Variants in RP1 observed in about 807,000 individuals in gnomAD.
RP1 encodes the protein oxygen-regulated protein 1.
RP1 carries 16 observed loss-of-function variants against 14.8 expected under a neutral mutation model. The ratio of observed to expected loss-of-function variants is 1.08; its 90% CI spans 0.73 to 1.65. The LOEUF (loss-of-function observed/expected upper bound fraction) is 1.65. RP1 is among the 40% of genes most tolerant of loss of function. RP1 has a pLI of 0.00. For missense variants in RP1, 2,631 were observed against 2,535.0 expected (o/e 1.04, Z -0.81); for synonymous variants, 876 against 883.6 (o/e 0.99, Z 0.15).
intron 24 of RP1, among the ~76,000 whole-genome samples, chr8:54,819,140 G>T (rs1371555098): frequency 6.6e-6 from 1 of 151,604 alleles, no homozygotes; most frequent in African/African-American, 2.4e-5. Context: ...GATCCTGTAG[G>T]CATGCTTCAT....
chr8:54,667,316 T>C (rs1237419838), intron 7 of RP1, among the ~76,000 whole-genome samples: 1 of 152,066 alleles, frequency 6.6e-6, no homozygotes, highest in East Asian at 1.9e-4. Flanking sequence ...GTGGATCCTA[T>C]GTCCAGAATT....
At chr8:54,839,602 C>G (rs1001569816) in intron 25 of RP1, among the ~76,000 whole-genome samples, 4 of 152,140 alleles carry the variant, frequency 2.6e-5, no homozygotes, top group Admixed American at 2.6e-4. Context: ...ATTCTTTGAA[C>G]CCTCCCTGTC....
intron 27 of RP1, among the ~76,000 whole-genome samples, chr8:54,862,771 C>T (rs1408718785): frequency 6.6e-6 from 1 of 152,006 alleles, no homozygotes; most frequent in Non-Finnish European, 1.5e-5. Flanking sequence ...ATATGACTTC[C>T]GGCCACATTT....
Position 54,570,276 on chromosome 8 carries a change from C to G in RP1, c.-13+10956C>G, listed in dbSNP as rs534837836. On this transcript the variant is annotated intron_variant, in intron 1 of 22. Coordinates refer to the RP1 transcript ENST00000636932. The stretch of plus-strand genomic sequence containing the variant: ...ATCCTGGCTGGATGCTGTCTCCATT[C>G]TTCAGAAACCAACTGAATGGGTGTT... Among the ~76,000 whole-genome samples, 3 of 152,030 alleles carry G rather than the reference C, an allele frequency of 2.0e-5. No homozygotes were observed. In the East Asian group the frequency reaches 5.8e-4, roughly 29 times the overall value.
At chr8:54,758,607 T>G (rs748475093) in intron 21 of RP1, among the ~76,000 whole-genome samples, 11 of 152,182 alleles carry the variant, frequency 7.2e-5, no homozygotes, top group Non-Finnish European at 1.5e-4. Flanking sequence ...AATGAGCTGC[T>G]TCTCAGAGTA....
upstream of RP1, among the ~76,000 whole-genome samples, chr8:54,615,738 A>G (rs907981230): frequency 2.6e-5 from 4 of 152,242 alleles, no homozygotes; most frequent in African/African-American, 7.2e-5. Flanking sequence ...AGGAGCAAGT[A>G]CTGACTTAGA....
chr8:54,738,564 C>T lies in RP1; in HGVS notation c.2722-379C>T, dbSNP rs528318089. Reference sequence around the variant, plus strand: ...ATCACCATATTTAGCTTTTCTTTGGCGAAAATTGTTTTTTTTTTTAATTTC... The same window carrying T: ...ATCACCATATTTAGCTTTTCTTTGGTGAAAATTGTTTTTTTTTTTAATTTC... On this transcript the variant is annotated intron_variant, in intron 18 of 22. Coordinates refer to the RP1 transcript ENST00000636932. Among the ~76,000 whole-genome samples, 34 of 151,876 alleles carry T rather than the reference C, an allele frequency of 2.2e-4. 1 individual carries two copies. The highest frequency in any genetic ancestry group is 5.6e-4 in the African/African-American group (23 of 41,418).
At chr8:54,825,190 A>G in intron 24 of RP1, among the ~76,000 whole-genome samples, 1 of 151,974 alleles carries the variant, frequency 6.6e-6, no homozygotes, top group East Asian at 1.9e-4. Context: ...TGATCTCCCG[A>G]CCTCGTGATC....
At chr8:54,646,488 A>G (rs1162195892) in intron 3 of RP1, among the ~76,000 whole-genome samples, 1 of 152,124 alleles carries the variant, frequency 6.6e-6, no homozygotes, top group African/African-American at 2.4e-5. Flanking sequence ...TATGTTTTTC[A>G]TCTACTCCTC....
At chr8:54,768,024 C>T (rs1809806298) in intron 22 of RP1, among the ~76,000 whole-genome samples, 1 of 152,214 alleles carries the variant, frequency 6.6e-6, no homozygotes, top group South Asian at 2.1e-4. Flanking sequence ...AGTGTGGTGA[C>T]GTCAGTCCTA....
At chr8:54,844,733 C>T (rs1270987898) in intron 25 of RP1, among the ~76,000 whole-genome samples, 1 of 152,168 alleles carries the variant, frequency 6.6e-6, no homozygotes, top group East Asian at 1.9e-4. Context: ...GAGTCTGCAA[C>T]ATTAGGGATA....
At chr8:54,607,833 C>A (rs961791972) in intron 1 of RP1, among the ~76,000 whole-genome samples, 2 of 152,320 alleles carry the variant, frequency 1.3e-5, no homozygotes, top group African/African-American at 4.8e-5. Flanking sequence ...GGGCATAGGA[C>A]CCTCTGAGCC....
At chr8:54,718,179 A>C (rs531641674) in intron 15 of RP1, among the ~76,000 whole-genome samples, 2 of 152,310 alleles carry the variant, frequency 1.3e-5, no homozygotes, top group African/African-American at 4.8e-5. Context: ...AATTCCAGTC[A>C]AAATTCCAGC....
chr8:54,684,038 C>T lies in RP1; in HGVS notation c.1717+4105C>T, dbSNP rs375131681. Among the ~76,000 whole-genome samples the T allele has an allele frequency of 1.1e-3, 165 of 145,760 alleles. 2 individuals are homozygous for T. The East Asian group carries it at 0.028, about 25-fold the overall frequency. On this transcript the variant is annotated intron_variant, in intron 12 of 22. Coordinates refer to the RP1 transcript ENST00000636932. ...TAACATGAAGGGATGTTGAATTTTA[C>T]CAAAGGTCTTTTCTGTGTCTATTGA...
chr8:54,637,455 A>T (rs1342797211), intron 3 of RP1, among the ~76,000 whole-genome samples: 1 of 152,222 alleles, frequency 6.6e-6, no homozygotes, highest in Admixed American at 6.5e-5. Context: ...TTCTTATCAA[A>T]GTTATACATT....
chr8:54,564,066 G>A (rs1804347998), intron 1 of RP1, among the ~76,000 whole-genome samples: 1 of 152,114 alleles, frequency 6.6e-6, no homozygotes, highest in Admixed American at 6.6e-5. Flanking sequence ...ATCTCCTCTG[G>A]GTGGCACTTG....
chr8:54,684,502 C>A (rs1334386538), intron 12 of RP1, among the ~76,000 whole-genome samples: 1 of 152,064 alleles, frequency 6.6e-6, no homozygotes, highest in Non-Finnish European at 1.5e-5. Context: ...CCTTATTCAT[C>A]TATTTTGGGA....
intron 19 of RP1, among the ~76,000 whole-genome samples, chr8:54,752,788 C>T (rs920218248): frequency 6.6e-6 from 1 of 152,176 alleles, no homozygotes; most frequent in Non-Finnish European, 1.5e-5. Flanking sequence ...ACTGGAGGAC[C>T]TGGAGAAAAC....
intron 1 of RP1, among the ~76,000 whole-genome samples, chr8:54,578,319 G>A (rs142584611): frequency 0.012 from 1,791 of 152,138 alleles, 33 homozygotes; most frequent in African/African-American, 0.041. Context: ...TGATCCTCTT[G>A]TCTCAGCCTC....
Sources: allele counts gnomAD v4.1 joint callset (sites outside exome capture counted in the v4.1 genomes callset), GRCh38; gene constraint gnomAD v4.1.1; transcripts MANE v1.5; gene names NCBI Gene and HGNC (gene_info 2026-07-23, HGNC 2026-07-21).